The following SRCAP variants were observed in gnomAD, a reference collection of about 807,000 sequenced individuals.
The protein encoded by SRCAP is chromatin remodeling protein SRCAP.
SRCAP carries 46 observed loss-of-function variants against 263.1 expected under a neutral mutation model. The ratio of observed to expected loss-of-function variants is 0.17; its 90% CI spans 0.14 to 0.22. The LOEUF (loss-of-function observed/expected upper bound fraction) is 0.22, where lower values mean the gene tolerates loss of function less well. SRCAP is among the 10% of genes least tolerant of loss of function. The pLI is 1.00. For synonymous variants in SRCAP, 1,813 were observed against 1,662.1 expected (o/e 1.09, Z -2.21); for missense variants, 3,695 against 4,181.9 (o/e 0.88, Z 3.21).
chr16:30,716,583 T>A (rs553068983), intron 18 of SRCAP, 104 bp downstream of exon 18: 16 of 976,344 alleles, frequency 1.6e-5, no homozygotes, highest in Middle Eastern at 2.8e-4. Flanking sequence ...TCCTCATGAC[T>A]CCCCTATCAT....
chr16:30,704,424 A>G lies in SRCAP; in HGVS notation c.306+109A>G, dbSNP rs1596640813. ...TTCTTTTTTGTCATGGATTTAGGGT[A>G]TAGGTTCTGCCTTAATGTATATGAT... On this transcript the variant is annotated intron_variant, in intron 4 of 33. Coordinates refer to ENST00000262518, the MANE Select transcript of SRCAP (RefSeq NM_006662.3). 9.4e-6 allele frequency: 13 copies of G among 1,380,808 alleles called. No individual in the cohort carries two copies. The East Asian group carries it at 3.0e-4, about 32-fold the overall frequency. The allele number at this position is 1,380,808 out of a possible 1,614,324, so 85.5% of individuals were successfully genotyped here. A position where few individuals can be genotyped will look rare whatever the true frequency, so the allele number is the denominator to read the frequency against.
In SRCAP at chr16:30,712,794, A is replaced by G. The variant is rs1056820028; in HGVS notation, c.2109A>G (p.Lys703=). 9 of 1,614,200 alleles carry G rather than the reference A, an allele frequency of 5.6e-6. No homozygotes were observed. The highest frequency in any genetic ancestry group is 6.8e-6 in the Non-Finnish European group (8 of 1,180,026). Residue 703 remains lysine (K), a synonymous_variant, in exon 14 of 34, where the codon AAA becomes AAG. Coordinates refer to ENST00000262518, the MANE Select transcript of SRCAP (RefSeq NM_006662.3). The part of the protein sequence containing the change: ...FKILTYYGAQ[K]ERKLKRQGWT... ...TCCTCACTTACTATGGAGCCCAGAA[A>G]GAGAGGAAGCTCAAGCGGCAGGTTC...
intron 14 of SRCAP, 98 bp from the exon 15 acceptor site, chr16:30,713,110 C>A: frequency 7.4e-7 from 1 of 1,342,522 alleles, no homozygotes; most frequent in Non-Finnish European, 1.0e-6. Flanking sequence ...CTCTTTTCTT[C>A]CAACCTGATT....
chr16:30,718,929 C>T (rs1269103941), intron 18 of SRCAP, among the ~76,000 whole-genome samples: 2 of 150,718 alleles, frequency 1.3e-5, no homozygotes, highest in Non-Finnish European at 2.9e-5. Context: ...CAGAGTCTTA[C>T]TCTGTCACCC....
rs749919425 is a variant in SRCAP, at chr16:30,738,890, C to T, written c.8850C>T (p.Ile2950=). ...CCCCTAAAGCACGAGATTTGCCCAT[C>T]CCTGGGACCATTTCCTCTGCAGGGG... ...GRPPKARDLP[I]PGTISSAGDG... is the part of the protein sequence containing the mutation. The change falls in exon 34 of 34, where the codon ATC becomes ATT. Residue 2950 remains isoleucine (I), a synonymous_variant. Coordinates refer to ENST00000262518, the MANE Select transcript of SRCAP (RefSeq NM_006662.3). 1 of 1,614,172 alleles carries T rather than the reference C, an allele frequency of 6.2e-7. No homozygotes were observed. The highest frequency in any genetic ancestry group is 1.3e-5 in the African/African-American group (1 of 75,036).
At chr16:30,705,302 A>C (rs906978323) in intron 4 of SRCAP, among the ~76,000 whole-genome samples, 1 of 152,246 alleles carries the variant, frequency 6.6e-6, no homozygotes, top group Admixed American at 6.5e-5. Flanking sequence ...TGTCTCAAAA[A>C]AAAATGCAAA....
In SRCAP at chr16:30,720,169, A is replaced by T. The variant is rs756762417; in HGVS notation, c.2825A>T (p.Asp942Val). The change falls in exon 19 of 34, where the codon GAC becomes GTC. Residue 942 changes from aspartate (D) to valine (V), a missense_variant. This residue lies in a region of SRCAP where 147 missense variants were observed against 212.7 expected (regional missense o/e 0.69). Transcript: ENST00000262518. ...ATDVHPLQRI[D>V]MGRFDLIGLE... The stretch of plus-strand genomic sequence containing the variant: ...CTTTCTTTCTTGTGGCAGCGGATAG[A>T]CATGGGTCGATTTGACCTTATTGGC... 8 of 1,608,840 alleles carry T rather than the reference A, an allele frequency of 5.0e-6. No homozygotes were observed. Among genetic ancestry groups the T allele is most frequent in the Non-Finnish European group, 6.8e-6 (8 of 1,175,660 alleles).
rs756747849 is a variant in SRCAP at position 30,739,575 on chromosome 16, G to A, written c.9535G>A (p.Glu3179Lys). 6.2e-7 allele frequency: 1 copy of A among 1,605,650 alleles called. No individual in the cohort carries two copies. The highest frequency in any genetic ancestry group is 8.5e-7 in the Non-Finnish European group (1 of 1,176,472). ...VEESEAEASG[E>K]EEEGDGTPRR... is the part of the protein sequence containing the mutation. ...GGAGTCTGAGGCTGAAGCCTCAGGTGAGGAGGAGGAAGGGGATGGGACCCC... is the reference window on the plus strand; with the variant it reads ...GGAGTCTGAGGCTGAAGCCTCAGGTAAGGAGGAGGAAGGGGATGGGACCCC... The change falls in exon 34 of 34, where the codon GAG becomes AAG. Residue 3179 changes from glutamate (E) to lysine (K), a missense_variant. Transcript: ENST00000262518.
At position 30,710,065 on chromosome 16, in the gene SRCAP, T is replaced by C. The variant is rs2052870713; in HGVS notation, c.1071T>C (p.His357=). 1 of 1,613,872 alleles carries C rather than the reference T, an allele frequency of 6.2e-7. No individual in the cohort carries two copies. Among genetic ancestry groups the C allele is most frequent in the African/African-American group, 1.3e-5 (1 of 74,838 alleles). Residue 357 remains histidine, a synonymous_variant, in exon 8 of 34, where the codon CAT becomes CAC. Coordinates refer to ENST00000262518, the MANE Select transcript of SRCAP (RefSeq NM_006662.3). ...PSSPSQTPSS[H]DSDTRDGPEE... ...GCCCCTCTCAAACCCCCTCATCTCATGATAGTGACACCCGAGATGGGCCTG... is the reference window on the plus strand; with the variant it reads ...GCCCCTCTCAAACCCCCTCATCTCACGATAGTGACACCCGAGATGGGCCTG...
chr16:30,710,613 G>T, intron 8 of SRCAP, 141 bp from the exon 9 acceptor site: 1 of 913,558 alleles, frequency 1.1e-6, no homozygotes, highest in Non-Finnish European at 1.8e-6. Flanking sequence ...ACCCTTGATT[G>T]TATTCTTGCC....
Position 30,722,575 on chromosome 16 carries a change from A to G in SRCAP, c.3719A>G (p.His1240Arg). Residue 1240 changes from histidine (H) to arginine (R), a missense_variant, in exon 23 of 34, where the codon CAC (histidine) becomes CGC (arginine). His to Arg is a conservative substitution (Grantham distance 29). Transcript: ENST00000262518. ...QPRPLQRNVV[H>R]LVSAGGQHHL... is the part of the protein sequence containing the mutation. ...TCCCTTAACCCAGGGAATGTGGTGC[A>G]CCTCGTGTCAGCAGGGGGGCAGCAC... 1 of 1,613,724 alleles carries G rather than the reference A, an allele frequency of 6.2e-7. No homozygotes were observed. The highest frequency in any genetic ancestry group is 8.5e-7 in the Non-Finnish European group (1 of 1,179,922).
chr16:30,703,966 C>T, intron 3 of SRCAP, 98 bp from the exon 4 acceptor site: 3 of 1,413,174 alleles, frequency 2.1e-6, no homozygotes, highest in Non-Finnish European at 9.6e-7. Context: ...CCTTACTCTA[C>T]ACAGTTTTTT....
intron 4 of SRCAP, among the ~76,000 whole-genome samples, chr16:30,705,602 A>G (rs2052818130): frequency 6.6e-6 from 1 of 151,276 alleles, no homozygotes; most frequent in Admixed American, 6.6e-5. Context: ...GGGTTTCACC[A>G]TGTTGGCGGG....
intron 3 of SRCAP, among the ~76,000 whole-genome samples, chr16:30,701,179 C>G (rs1282814839): frequency 6.6e-6 from 1 of 152,136 alleles, no homozygotes; most frequent in Non-Finnish European, 1.5e-5. Flanking sequence ...AGTTTAACTT[C>G]TATCAGTACT....
At position 30,733,193 on chromosome 16, in the gene SRCAP, T is replaced by C. The variant is rs2053129582; in HGVS notation, c.6128-87T>C. 1 of 1,467,836 alleles carries C rather than the reference T, an allele frequency of 6.8e-7. No homozygotes were observed. The highest frequency in any genetic ancestry group is 9.2e-7 in the Non-Finnish European group (1 of 1,085,478). The allele number at this position is 1,467,836 out of a possible 1,614,324, so 90.9% of individuals were successfully genotyped here. A position where few individuals can be genotyped will look rare whatever the true frequency, so the allele number is the denominator to read the frequency against. On this transcript the variant is annotated intron_variant, in intron 27 of 33. Coordinates refer to ENST00000262518, the MANE Select transcript of SRCAP (RefSeq NM_006662.3). The surrounding 1 kb of genome is among the most constrained non-coding windows in gnomAD (Gnocchi z 5.3). ...TGAAACTTTGGCTTAAAGCATTGAT[T>C]ATCTTTCAACCCCAGCCTTGCATTG... is the stretch of plus-strand genomic sequence containing the variant.
rs765737673 is a variant in SRCAP, at chr16:30,704,075, C to T, written c.66C>T (p.Asp22=). The part of the protein sequence containing the change: ...LPVLQTQMVS[D]GMTGSNPVSP... ...TTCCTCTTTTCTAGATGGTGTCGGA[C>T]GGCATGACAGGCAGCAATCCTGTGT... Residue 22 remains aspartate, a synonymous_variant, in exon 4 of 34, where the codon GAC becomes GAT. Coordinates refer to ENST00000262518, the MANE Select transcript of SRCAP (RefSeq NM_006662.3). 2.4e-5 allele frequency: 38 copies of T among 1,612,942 alleles called. No individual in the cohort carries two copies. Among genetic ancestry groups the T allele is most frequent in the South Asian group, 5.5e-5 (5 of 90,948 alleles).
chr16:30,718,270 G>A (rs1055213072), intron 18 of SRCAP, among the ~76,000 whole-genome samples: 5 of 151,926 alleles, frequency 3.3e-5, no homozygotes, highest in East Asian at 1.9e-4. Flanking sequence ...TCTGCCTCCC[G>A]GGTTCAAGTG....
chr16:30,712,406 A>G lies in SRCAP; in HGVS notation c.1960A>G (p.Ile654Val), dbSNP rs2052901516. Residue 654 changes from isoleucine to valine, a missense_variant, in exon 13 of 34, where the codon ATC becomes GTC. Physicochemically the swap from Ile to Val is conservative, Grantham distance 29 (BLOSUM62 3). Coordinates refer to ENST00000262518, the MANE Select transcript of SRCAP (RefSeq NM_006662.3). ...GGGGCTTGGGAAGACCATCCAGACC[A>G]TCTCTCTGCTTGCCCACTTGGCTTG... ...EMGLGKTIQTISLLAHLACEK... is the reference protein window; with the variant it reads ...EMGLGKTIQTVSLLAHLACEK... The G allele has an allele frequency of 6.3e-7, 1 of 1,593,960 alleles. No individual in the cohort carries two copies. The highest frequency in any genetic ancestry group is 8.5e-7 in the Non-Finnish European group (1 of 1,172,440).
chr16:30,704,018 C>A (rs2052798238), intron 3 of SRCAP, 46 bp from the exon 4 acceptor site: 1 of 1,574,218 alleles, frequency 6.4e-7, no homozygotes, highest in African/African-American at 1.3e-5. Flanking sequence ...AAACACTCAG[C>A]ACAGTGCGAA....
Sources: allele counts gnomAD v4.1 joint callset (sites outside exome capture counted in the v4.1 genomes callset), GRCh38; gene constraint gnomAD v4.1.1; regional missense constraint gnomAD v4.1.1; non-coding constraint Gnocchi (gnomAD v3.1); transcripts MANE v1.5; gene names NCBI Gene and HGNC (gene_info 2026-07-23, HGNC 2026-07-21).